Variants in CAPN8 observed in about 807,000 individuals in gnomAD.
CAPN8 encodes calpain 8, also known as calpain-8.
A neutral mutation model predicts 80.9 loss-of-function variants in CAPN8; 87 were observed. The observed-to-expected ratio is 1.07, with a 90% CI of 0.90 to 1.28. The LOEUF is 1.28. CAPN8 is among the 50% of genes most tolerant of loss of function. The pLI, the probability that CAPN8 is intolerant of heterozygous loss-of-function variation, is 0.00. For synonymous variants in CAPN8, 299 were observed against 273.8 expected (o/e 1.09, Z -0.91); for missense variants, 757 against 702.0 (o/e 1.08, Z -0.89).
intron 1 of CAPN8, among the ~76,000 whole-genome samples, chr1:223,663,567 C>T (rs894328188): frequency 6.6e-6 from 1 of 152,198 alleles, no homozygotes; most frequent in Non-Finnish European, 1.5e-5. Context: ...TCCCTGACCA[C>T]CTTTCCAATC....
intron 2 of CAPN8, among the ~76,000 whole-genome samples, chr1:223,646,174 G>A (rs1226593818): frequency 6.6e-6 from 1 of 152,234 alleles, no homozygotes; most frequent in Non-Finnish European, 1.5e-5. Context: ...ACTAGAGAAA[G>A]AACAGTGTCT....
intron 10 of CAPN8, among the ~76,000 whole-genome samples, chr1:223,614,543 T>C (rs1657116658): frequency 6.6e-6 from 1 of 152,202 alleles, no homozygotes; most frequent in Non-Finnish European, 1.5e-5. Flanking sequence ...TGTTCTCCCT[T>C]GAAATCAAGT....
intron 2 of CAPN8, among the ~76,000 whole-genome samples, chr1:223,638,274 A>T (rs747972887): frequency 6.6e-6 from 1 of 152,174 alleles, no homozygotes; most frequent in Non-Finnish European, 1.5e-5. Flanking sequence ...CATCATTCAT[A>T]TCAGGGACTT....
intron 2 of CAPN8, among the ~76,000 whole-genome samples, chr1:223,632,538 A>G (rs761488047): frequency 3.3e-5 from 5 of 151,654 alleles, no homozygotes; most frequent in African/African-American, 4.8e-5. Context: ...ATGCCGAGCT[A>G]TTTTTTTTAA....
At chr1:223,662,174 G>T (rs554458945) in intron 1 of CAPN8, among the ~76,000 whole-genome samples, 3 of 152,134 alleles carry the variant, frequency 2.0e-5, no homozygotes, top group Non-Finnish European at 4.4e-5. Context: ...AGGGCCAGGC[G>T]CAGTGGCTCA....
chr1:223,634,083 G>A (rs1396926188), intron 2 of CAPN8, among the ~76,000 whole-genome samples: 1 of 152,162 alleles, frequency 6.6e-6, no homozygotes, highest in African/African-American at 2.4e-5. Context: ...GAGTAAAGAT[G>A]GCATCATGGA....
Position 223,541,646 on chromosome 1 carries a change from C to G in CAPN8, c.*190G>C. The G allele has an allele frequency of 2.7e-6, 2 of 732,172 alleles. No individual in the cohort carries two copies. Among genetic ancestry groups the G allele is most frequent in the Non-Finnish European group, 4.6e-6 (2 of 434,414 alleles). The allele number at this position is 732,172 out of a possible 1,614,324, so 45.4% of individuals were successfully genotyped here. The stretch of plus-strand genomic sequence containing the variant: ...GCTCACAACTTTAATTGATTGCTTT[C>G]CCTCCACTGGGCCCACCGGGTCGGC... On this transcript the variant is annotated 3_prime_UTR_variant, in exon 21 of 21. Coordinates refer to ENST00000366872, the MANE Select transcript of CAPN8 (RefSeq NM_001143962.2).
intron 16 of CAPN8, among the ~76,000 whole-genome samples, chr1:223,548,360 C>G (rs567031936): frequency 3.3e-5 from 5 of 152,226 alleles, no homozygotes; most frequent in Non-Finnish European, 7.3e-5. Context: ...GTTCCTTCCA[C>G]CTAGAATGCC....
intron 14 of CAPN8, among the ~76,000 whole-genome samples, chr1:223,553,095 G>T (rs1457107265): frequency 1.6e-5 from 2 of 121,548 alleles, no homozygotes; most frequent in Non-Finnish European, 3.4e-5. Context: ...GGTGGGGGGA[G>T]ACCATTGTTT....
At chr1:223,620,504 A>G (rs1572236073) in intron 7 of CAPN8, among the ~76,000 whole-genome samples, 2 of 152,178 alleles carry the variant, frequency 1.3e-5, no homozygotes, top group Admixed American at 6.5e-5. Context: ...TGCCAGGAAC[A>G]TTATGACTCA....
rs913959505 is a variant in CAPN8 at position 223,554,625 on chromosome 1, A to G, written c.1573-725T>C. ...CATTTTCTTAGCTTTCATCAGATTC[A>G]CGAAGAGCAACATGATTTCAAAAGT... On this transcript the variant is annotated intron_variant, in intron 13 of 20. Coordinates refer to ENST00000366872, the MANE Select transcript of CAPN8 (RefSeq NM_001143962.2). 6.4e-3 allele frequency among the ~76,000 whole-genome samples: 974 copies of G among 152,276 alleles called. 9 individuals carry two copies. The highest frequency in any genetic ancestry group is 0.022 in the African/African-American group (911 of 41,546).
intron 9 of CAPN8, chr1:223,616,820 G>A (rs1169133998): frequency 6.6e-6 from 1 of 152,216 alleles, no homozygotes; most frequent in African/African-American, 2.4e-5. Context: ...TCAAGAGAAA[G>A]TCATTTAATA....
At chr1:223,629,232 T>TGTG (rs68132305) in intron 2 of CAPN8, among the ~76,000 whole-genome samples, 4,562 of 132,532 alleles carry the variant, frequency 0.034, 150 homozygotes, top group African/African-American at 0.089. Context: ...GTGTGTGTGT[T>TGTG]TATGTTCCTT....
intron 10 of CAPN8, among the ~76,000 whole-genome samples, chr1:223,615,061 G>A (rs557481722): frequency 2.4e-4 from 37 of 152,314 alleles, no homozygotes; most frequent in African/African-American, 7.7e-4. Context: ...CAGAATATGA[G>A]AAATAAAGTG....
chr1:223,633,358 C>G (rs548067671), intron 2 of CAPN8, among the ~76,000 whole-genome samples: 2 of 150,880 alleles, frequency 1.3e-5, no homozygotes, highest in Non-Finnish European at 2.9e-5. Flanking sequence ...ATGCCTGTGT[C>G]TGGTCCCAAA....
chr1:223,615,941 A>T, intron 10 of CAPN8, 29 bp downstream of exon 10: 2 of 1,551,768 alleles, frequency 1.3e-6, no homozygotes, highest in South Asian at 2.4e-5. Flanking sequence ...TCAAGTGTAT[A>T]ATGAAGGACA....
At chr1:223,547,198 C>A (rs1174051451) in intron 16 of CAPN8, among the ~76,000 whole-genome samples, 1 of 152,132 alleles carries the variant, frequency 6.6e-6, no homozygotes, top group Non-Finnish European at 1.5e-5. Flanking sequence ...AGGCATCAGC[C>A]CCTGCGCCCC....
Position 223,627,032 on chromosome 1 carries a change from C to T in CAPN8, c.686G>A (p.Arg229Gln), listed in dbSNP as rs1333594036. The T allele has an allele frequency of 1.3e-6, 2 of 1,551,794 alleles. No individual in the cohort carries two copies. Among genetic ancestry groups the T allele is most frequent in the Non-Finnish European group, 8.7e-7 (1 of 1,147,054 alleles). Residue 229 changes from arginine to glutamine, a missense_variant, in exon 5 of 21, where the codon CGG (arginine) becomes CAG (glutamine). Transcript: ENST00000366872. ...CAGAGACCCCGCACAGAGGGCCTTC[C>T]GGATGATCTGATATAGATTGGCTGG... ...KPPANLYQII[R>Q]KALCAGSLLG... is the part of the protein sequence containing the mutation.
At chr1:223,549,191 C>A in intron 16 of CAPN8, 127 bp downstream of exon 16, 1 of 1,217,706 alleles carries the variant, frequency 8.2e-7, no homozygotes, top group Non-Finnish European at 1.1e-6. Flanking sequence ...TTGACATATG[C>A]TCCATGCCTG....
Sources: gnomAD v4.1 joint callset for allele counts (sites outside exome capture counted in the v4.1 genomes callset) on GRCh38, gnomAD v4.1.1 for gene constraint, MANE v1.5 for transcripts, NCBI Gene and HGNC (gene_info 2026-07-23, HGNC 2026-07-21) for gene names.